The following TTC23 variants were observed in gnomAD, a reference collection of about 807,000 sequenced individuals.
TTC23 encodes tetratricopeptide repeat protein 23.
In TTC23, 58 loss-of-function variants were observed where a neutral mutation model predicts 55.1. That is an observed-to-expected ratio of 1.05 (90% CI 0.85 to 1.31). The LOEUF (loss-of-function observed/expected upper bound fraction) is 1.31, where lower values mean the gene tolerates loss of function less well. Among genes scored for constraint, TTC23 ranks in the 50% most tolerant of loss-of-function variants. TTC23 has a pLI of 0.00. For missense variants in TTC23, 516 were observed against 534.4 expected (o/e 0.97, Z 0.34); for synonymous variants, 203 against 199.9 (o/e 1.02, Z -0.13).
intron 12 of TTC23, among the ~76,000 whole-genome samples, chr15:99,143,291 CTCT>C (rs2068456834): frequency 6.6e-6 from 1 of 152,236 alleles, no homozygotes; most frequent in Non-Finnish European, 1.5e-5. Context: ...CAGCATTCTG[CTCT>C]TCTTAGCTAA....
At chr15:99,245,198 T>G (rs2152103097) in intron 2 of TTC23, among the ~76,000 whole-genome samples, 191 bp downstream of exon 2, 1 of 152,182 alleles carries the variant, frequency 6.6e-6, no homozygotes, top group Admixed American at 6.5e-5. Flanking sequence ...CAAAACAACG[T>G]GGTGGTACTG....
At chr15:99,239,753 A>T (rs2079613560) in intron 3 of TTC23, among the ~76,000 whole-genome samples, 1 of 152,036 alleles carries the variant, frequency 6.6e-6, no homozygotes, top group Non-Finnish European at 1.5e-5. Flanking sequence ...AGAGATGGAG[A>T]ATCTGAGATT....
intron 9 of TTC23, among the ~76,000 whole-genome samples, chr15:99,183,538 C>T (rs532231748): frequency 2.3e-4 from 31 of 135,882 alleles, no homozygotes; most frequent in Admixed American, 1.9e-3. Flanking sequence ...TAACGGGTTT[C>T]ACTGCGTTAG....
chr15:99,170,814 C>T lies in TTC23; in HGVS notation c.865+4236G>A, dbSNP rs577514322. On this transcript the variant is annotated intron_variant, in intron 10 of 13. Coordinates refer to ENST00000394132, the MANE Select transcript of TTC23 (RefSeq NM_001288615.3). Reference sequence around the variant, plus strand: ...GTACCCACCTGTGCTCCTGCTGCAGCCCCTGGCTGGGTGGTGCCTGTTGCA... The same window carrying T: ...GTACCCACCTGTGCTCCTGCTGCAGTCCCTGGCTGGGTGGTGCCTGTTGCA... Among the ~76,000 whole-genome samples the T allele has an allele frequency of 2.6e-5, 4 of 152,334 alleles. No individual in the cohort carries two copies. The East Asian group carries it at 5.8e-4, about 22-fold the overall frequency.
At chr15:99,164,411 G>C (rs183642232) in intron 10 of TTC23, among the ~76,000 whole-genome samples, 1 of 152,186 alleles carries the variant, frequency 6.6e-6, no homozygotes, top group East Asian at 1.9e-4. Flanking sequence ...AAATGCGAAG[G>C]CTTCCTCCCC....
chr15:99,165,265 AG>A (rs1300470546), intron 10 of TTC23, among the ~76,000 whole-genome samples: 1 of 152,228 alleles, frequency 6.6e-6, no homozygotes, highest in Non-Finnish European at 1.5e-5. Flanking sequence ...CAAAAGACAC[AG>A]AAGTCTAGCA....
intron 11 of TTC23, chr15:99,157,165 G>T: frequency 7.9e-6 from 1 of 127,206 alleles, no homozygotes. Context: ...CCGTCTCACC[G>T]TCTCAGCAGA....
chr15:99,172,672 A>C (rs12595385), intron 10 of TTC23, among the ~76,000 whole-genome samples: 62,589 of 151,996 alleles, frequency 0.41, 13,062 homozygotes, highest in Middle Eastern at 0.54. Context: ...AAATGTACCT[A>C]TCTCATCGAG....
At chr15:99,183,425 G>C (rs560820816) in intron 9 of TTC23, among the ~76,000 whole-genome samples, 1 of 150,724 alleles carries the variant, frequency 6.6e-6, no homozygotes, top group Non-Finnish European at 1.5e-5. Flanking sequence ...GGGTTCAAGC[G>C]ATTCTCCTGC....
intron 8 of TTC23, among the ~76,000 whole-genome samples, chr15:99,205,910 G>A (rs1363723408): frequency 6.6e-6 from 1 of 152,142 alleles, no homozygotes; most frequent in East Asian, 1.9e-4. Flanking sequence ...AAGGCTTTCA[G>A]TTTTTCACTG....
In TTC23 at chr15:99,218,578, T is replaced by C; in HGVS notation, c.581+10A>G. The C allele has an allele frequency of 6.2e-7, 1 of 1,614,106 alleles. No individual in the cohort carries two copies. The highest frequency in any genetic ancestry group is 8.5e-7 in the Non-Finnish European group (1 of 1,180,000). On this transcript the variant is annotated intron_variant, in intron 8 of 13. Transcript: ENST00000394132. ...CATCATGTATGCAAAATCCTAAACTTGAAACTTACTGTGCAAATGATAATC... is the reference window on the plus strand; with the variant it reads ...CATCATGTATGCAAAATCCTAAACTCGAAACTTACTGTGCAAATGATAATC...
intron 9 of TTC23, among the ~76,000 whole-genome samples, chr15:99,179,096 G>A (rs1203714040): frequency 6.6e-6 from 1 of 152,186 alleles, no homozygotes; most frequent in Admixed American, 6.5e-5. Flanking sequence ...GGGCTGAGAA[G>A]GATGCACAGT....
At chr15:99,242,675 G>A (rs1296738390) in intron 2 of TTC23, among the ~76,000 whole-genome samples, 1 of 152,146 alleles carries the variant, frequency 6.6e-6, no homozygotes, top group Non-Finnish European at 1.5e-5. Flanking sequence ...ATGGAAGGTT[G>A]GTTTAACATC....
chr15:99,153,036 T>G (rs573401574), intron 12 of TTC23, among the ~76,000 whole-genome samples: 1 of 152,312 alleles, frequency 6.6e-6, no homozygotes, highest in East Asian at 1.9e-4. Context: ...TGGTCTCAAG[T>G]GGTCTGCCTT....
chr15:99,248,772 A>G (rs1167008511), intron 1 of TTC23, among the ~76,000 whole-genome samples: 2 of 152,246 alleles, frequency 1.3e-5, no homozygotes, highest in East Asian at 3.8e-4. Flanking sequence ...ATGTTCATCA[A>G]CGTTTCCTTG....
intron 5 of TTC23, among the ~76,000 whole-genome samples, chr15:99,222,604 G>A (rs1376946164): frequency 6.6e-6 from 1 of 152,214 alleles, no homozygotes; most frequent in East Asian, 1.9e-4. Flanking sequence ...AAGAAGCACA[G>A]TTTCATTCAG....
intron 8 of TTC23, among the ~76,000 whole-genome samples, chr15:99,208,916 T>C (rs1006785019): frequency 2.0e-5 from 3 of 152,170 alleles, no homozygotes; most frequent in Non-Finnish European, 4.4e-5. Flanking sequence ...CTGCCAGGGA[T>C]GATTTGAGGA....
chr15:99,183,973 G>A (rs1423096855), intron 9 of TTC23, among the ~76,000 whole-genome samples: 2 of 152,178 alleles, frequency 1.3e-5, no homozygotes, highest in Non-Finnish European at 2.9e-5. Flanking sequence ...TCCAGCCATG[G>A]CTAGAAGGGG....
At position 99,143,578 on chromosome 15, in the gene TTC23, A is replaced by G. The variant is rs573701610; in HGVS notation, c.1144-4179T>C. Among the ~76,000 whole-genome samples the G allele has an allele frequency of 7.9e-5, 12 of 152,366 alleles. No individual in the cohort carries two copies. In the South Asian group the frequency reaches 1.0e-3, roughly 13 times the overall value. On this transcript the variant is annotated intron_variant, in intron 12 of 13. Coordinates refer to ENST00000394132, the MANE Select transcript of TTC23 (RefSeq NM_001288615.3). ...TAAGGGGTGTTTCTCACTTTTCTTT[A>G]AAGTGAACAATAAACTGAACTCCGG...
Sources: allele counts gnomAD v4.1 joint callset (sites outside exome capture counted in the v4.1 genomes callset), GRCh38; gene constraint gnomAD v4.1.1; transcripts MANE v1.5; gene names NCBI Gene and HGNC (gene_info 2026-07-23, HGNC 2026-07-21).